PDE6H: variants seen among roughly 807,000 people sequenced by gnomAD.
The protein encoded by PDE6H is phosphodiesterase 6H.
In PDE6H, 11 loss-of-function variants were observed where a neutral mutation model predicts 9.2. The ratio of observed to expected loss-of-function variants is 1.19; its 90% CI spans 0.75 to 1.97. The LOEUF (loss-of-function observed/expected upper bound fraction) is 1.97. Ranked by LOEUF, PDE6H falls within the 30% of genes most tolerant of loss-of-function variation. The pLI, the probability that PDE6H is intolerant of heterozygous loss-of-function variation, is 0.00. For missense variants in PDE6H, 98 were observed against 101.5 expected (o/e 0.97, Z 0.15); for synonymous variants, 36 against 33.6 (o/e 1.07, Z -0.25).
chr12:14,979,208 G>T lies in PDE6H; in HGVS notation c.164G>T (p.Gly55Val), dbSNP rs772740904. 1 of 1,608,484 alleles carries T rather than the reference G, an allele frequency of 6.2e-7. No homozygotes were observed. The highest frequency in any genetic ancestry group is 8.5e-7 in the Non-Finnish European group (1 of 1,174,924). The change falls in exon 3 of 4, where the codon GGG becomes GTG. Residue 55 changes from glycine to valine, a missense_variant. By Grantham distance (109) the Gly-to-Val change is moderately radical. Transcript: ENST00000266395. ...GFGDDIPGME[G>V]LGTDITVICP... ...GGAGATGACATTCCAGGAATGGAGG[G>T]GCTAGGAACAGGTAAGCCATCCACT...
chr12:14,974,670 G>C (rs1186302866), intron 1 of PDE6H, among the ~76,000 whole-genome samples: 1 of 152,212 alleles, frequency 6.6e-6, no homozygotes, highest in Non-Finnish European at 1.5e-5. Flanking sequence ...GGTGTCAAAG[G>C]AATTCAAGGA....
At chr12:14,974,030 T>G (rs1393238363) in intron 1 of PDE6H, among the ~76,000 whole-genome samples, 1 of 152,252 alleles carries the variant, frequency 6.6e-6, no homozygotes, top group Non-Finnish European at 1.5e-5. Context: ...AATATTACTT[T>G]GCTGCATCCA....
chr12:14,979,306 T>TTATGAGAAATA (rs1296653562), intron 3 of PDE6H, 87 bp downstream of exon 3: 1 of 833,732 alleles, frequency 1.2e-6, no homozygotes, highest in African/African-American at 1.7e-5. Context: ...CAGTTGAAAG[T>TTATGAGAAATA]TATGAGAAAT....
At chr12:14,977,040 G>T (rs548810811) in intron 1 of PDE6H, among the ~76,000 whole-genome samples, 1 of 152,328 alleles carries the variant, frequency 6.6e-6, no homozygotes, top group South Asian at 2.1e-4. Flanking sequence ...TATTGGATAG[G>T]TCCGTGGTGT....
chr12:14,975,812 GTT>G (rs369211334), intron 1 of PDE6H, among the ~76,000 whole-genome samples: 2 of 120,140 alleles, frequency 1.7e-5, no homozygotes, highest in South Asian at 2.6e-4. Flanking sequence ...AATTTCTTTT[GTT>G]TTTTTTTTTT....
At chr12:14,974,100 A>C (rs2120815163) in intron 1 of PDE6H, among the ~76,000 whole-genome samples, 1 of 152,360 alleles carries the variant, frequency 6.6e-6, no homozygotes, top group Admixed American at 6.5e-5. Flanking sequence ...ACATTGCTTT[A>C]AATACAGGAA....
At chr12:14,977,766 C>T (rs1441196022) in intron 1 of PDE6H, among the ~76,000 whole-genome samples, 22 of 152,164 alleles carry the variant, frequency 1.4e-4, no homozygotes, top group Non-Finnish European at 3.2e-4. Flanking sequence ...GTTTCCATTC[C>T]ATTCCATTAA....
At chr12:14,974,921 T>C (rs560279465) in intron 1 of PDE6H, among the ~76,000 whole-genome samples, 23 of 152,392 alleles carry the variant, frequency 1.5e-4, no homozygotes, top group African/African-American at 5.5e-4. Flanking sequence ...TTGCCCTTTT[T>C]GAACACTTTG....
At chr12:14,979,792 C>A (rs1160373445) in intron 3 of PDE6H, among the ~76,000 whole-genome samples, 1 of 152,146 alleles carries the variant, frequency 6.6e-6, no homozygotes, top group Non-Finnish European at 1.5e-5. Context: ...GCAATCACTG[C>A]ATATTTTTTA....
rs1217037748 is a variant in PDE6H, at chr12:14,981,566, T to C, written c.*90T>C. On this transcript the variant is annotated 3_prime_UTR_variant, in exon 4 of 4. Transcript: ENST00000266395. ...ATCTGCCGGAGTCTTGAAATTCAGC[T>C]GATTGGAAGTGGTTTCTTTGACTTT... 9 of 842,068 alleles carry C rather than the reference T, an allele frequency of 1.1e-5. No individual in the cohort carries two copies. The highest frequency in any genetic ancestry group is 1.4e-5 in the Non-Finnish European group (7 of 485,636). The allele number at this position is 842,068 out of a possible 1,614,324, so 52.2% of individuals were successfully genotyped here.
At chr12:14,980,865 T>G (rs1263359618) in intron 3 of PDE6H, among the ~76,000 whole-genome samples, 1 of 152,236 alleles carries the variant, frequency 6.6e-6, no homozygotes, top group African/African-American at 2.4e-5. Flanking sequence ...AATAACATCT[T>G]ATTGTCTAAA....
intron 1 of PDE6H, among the ~76,000 whole-genome samples, chr12:14,974,907 A>T (rs1472069504): frequency 2.6e-5 from 4 of 152,252 alleles, no homozygotes; most frequent in Non-Finnish European, 4.4e-5. Context: ...GGTCTAGCAT[A>T]TATTTGCCCT....
rs112356824 is a variant in PDE6H at position 14,978,005 on chromosome 12, G to T, written c.-8G>T. ...AAGGGAAACATCAGCCGCCCGGGGGGAGTTAAAATGAGTGACAACACTACT... is the reference window on the plus strand; with the variant it reads ...AAGGGAAACATCAGCCGCCCGGGGGTAGTTAAAATGAGTGACAACACTACT... On this transcript the variant is annotated 5_prime_UTR_variant, in exon 2 of 4. Transcript: ENST00000266395. 13 of 1,613,100 alleles carry T rather than the reference G, an allele frequency of 8.1e-6. No individual in the cohort carries two copies. The highest frequency in any genetic ancestry group is 1.1e-5 in the South Asian group (1 of 91,050).
intron 3 of PDE6H, among the ~76,000 whole-genome samples, chr12:14,979,622 G>A (rs943988174): frequency 6.6e-6 from 1 of 152,172 alleles, no homozygotes; most frequent in African/African-American, 2.4e-5. Flanking sequence ...AAATAAGGGT[G>A]AGGTCTGGAG....
chr12:14,975,595 T>C (rs893037852), intron 1 of PDE6H, among the ~76,000 whole-genome samples: 3 of 152,110 alleles, frequency 2.0e-5, no homozygotes, highest in Non-Finnish European at 4.4e-5. Flanking sequence ...TCACCAGCTA[T>C]TCCCAGGGTC....
chr12:14,980,066 A>G (rs1488588718), intron 3 of PDE6H, among the ~76,000 whole-genome samples: 2 of 152,198 alleles, frequency 1.3e-5, no homozygotes, highest in Non-Finnish European at 2.9e-5. Context: ...ACCCACCATT[A>G]TAGTACATAT....
chr12:14,981,851 G>C lies in PDE6H; in HGVS notation c.*375G>C. On this transcript the variant is annotated 3_prime_UTR_variant, in exon 4 of 4. Coordinates refer to ENST00000266395, the MANE Select transcript of PDE6H (RefSeq NM_006205.3). ...CCACCTCCTCATATTTAATAAAGGA[G>C]ATATTTACCTTGAATGTTGGTGAAG... 1 of 325,350 alleles carries C rather than the reference G, an allele frequency of 3.1e-6. No homozygotes were observed. Among genetic ancestry groups the C allele is most frequent in the Non-Finnish European group, 5.9e-6 (1 of 169,778 alleles). The allele number at this position is 325,350 out of a possible 1,614,324, so 20.2% of individuals were successfully genotyped here.
chr12:14,979,075 A>C (rs1008996001), intron 2 of PDE6H, 104 bp from the exon 3 acceptor site: 1 of 771,566 alleles, frequency 1.3e-6, no homozygotes, highest in Non-Finnish European at 2.3e-6. Context: ...CAAACACTTA[A>C]ACCTCTCCTT....
intron 1 of PDE6H, among the ~76,000 whole-genome samples, chr12:14,976,200 T>A (rs1726091382): frequency 6.6e-6 from 1 of 152,186 alleles, no homozygotes; most frequent in South Asian, 2.1e-4. Context: ...CATGCACTGT[T>A]GTAGGTTCTG....
Sources: gnomAD v4.1 joint callset for allele counts (sites outside exome capture counted in the v4.1 genomes callset) on GRCh38, gnomAD v4.1.1 for gene constraint, MANE v1.5 for transcripts, NCBI Gene and HGNC (gene_info 2026-07-23, HGNC 2026-07-21) for gene names.